SRPRB: variants seen among roughly 807,000 people sequenced by gnomAD.
The protein encoded by SRPRB is signal recognition particle receptor subunit beta.
A neutral mutation model predicts 31.9 loss-of-function variants in SRPRB; 20 were observed. That is an observed-to-expected ratio of 0.63 (90% CI 0.44 to 0.91). The LOEUF is 0.91. Among genes scored for constraint, SRPRB ranks in the 40% least tolerant of loss-of-function variants. The pLI, the probability that SRPRB is intolerant of heterozygous loss-of-function variation, is 0.00. For missense variants in SRPRB, 321 were observed against 324.9 expected (o/e 0.99, Z 0.09); for synonymous variants, 146 against 132.8 (o/e 1.10, Z -0.68).
At chr3:133,790,468 T>C (rs537671158) in intron 1 of SRPRB, 2 of 152,330 alleles carry the variant, frequency 1.3e-5, no homozygotes, top group East Asian at 3.9e-4. Context: ...TTGAAAAGGT[T>C]ACTTATGAAA....
downstream of SRPRB, chr3:133,821,596 G>A (rs1172182283): frequency 6.6e-6 from 1 of 152,176 alleles, no homozygotes; most frequent in Non-Finnish European, 1.5e-5. Flanking sequence ...GCAAGTTTGA[G>A]TTTGATTCAA....
Position 133,799,507 on chromosome 3 carries a change from A to G in SRPRB, c.-173-6169A>G, listed in dbSNP as rs377322685. Among the ~76,000 whole-genome samples the G allele has an allele frequency of 1.3e-4, 20 of 152,348 alleles. No individual in the cohort carries two copies. In the East Asian group the frequency reaches 3.9e-3, roughly 29 times the overall value. On this transcript the variant is annotated intron_variant, in intron 1 of 7. Coordinates refer to the SRPRB transcript ENST00000466490. ...GAAAGGACAGTTACATATGAGCAGT[A>G]GCCTTGGAAGGACAGAGAAAAAAAT...
At chr3:133,810,189 CAT>C (rs1423752073) in intron 3 of SRPRB, 1 of 152,030 alleles carries the variant, frequency 6.6e-6, no homozygotes, top group East Asian at 1.9e-4. Flanking sequence ...TAATAAAAAA[CAT>C]ATTTGTCTAT....
downstream of SRPRB, chr3:133,827,500 C>A (rs958465677): frequency 2.2e-4 from 44 of 197,332 alleles, no homozygotes; most frequent in African/African-American, 7.9e-4. Context: ...AGGAATGAAT[C>A]AAAAATGGAA....
chr3:133,811,076 G>A (rs370595824), intron 3 of SRPRB, 41 bp from the exon 4 acceptor site: 128 of 1,594,746 alleles, frequency 8.0e-5, no homozygotes, highest in Non-Finnish European at 1.1e-4. Context: ...TGTGAACGTG[G>A]AACTGTATTG....
chr3:133,790,254 T>C (rs1459801954), intron 1 of SRPRB: 1 of 152,232 alleles, frequency 6.6e-6, no homozygotes, highest in Admixed American at 6.5e-5. Context: ...TCTAAAATTG[T>C]GGAATTGTTC....
In SRPRB at chr3:133,787,973, T is replaced by C. The variant is rs554652640; in HGVS notation, c.-174+3829T>C. On this transcript the variant is annotated intron_variant, in intron 1 of 7. Coordinates refer to the SRPRB transcript ENST00000466490. Reference sequence around the variant, plus strand: ...CAACCCTAAGTGACACATGGGCCCATATCCACCAGGTTGGTGGTGCAGAGG... The same window carrying C: ...CAACCCTAAGTGACACATGGGCCCACATCCACCAGGTTGGTGGTGCAGAGG... 15 of 152,240 alleles carry C rather than the reference T, an allele frequency of 9.9e-5. No individual in the cohort carries two copies. The South Asian group carries it at 3.1e-3, about 32-fold the overall frequency. The allele number at this position is 152,240 out of a possible 1,614,324, so 9.4% of individuals were successfully genotyped here. A position where few individuals can be genotyped will look rare whatever the true frequency, so the allele number is the denominator to read the frequency against.
intron 2 of SRPRB, 143 bp from the exon 3 acceptor site, chr3:133,807,602 TA>T (rs930047825): frequency 3.7e-5 from 23 of 614,470 alleles, no homozygotes; most frequent in Middle Eastern, 3.1e-4. Context: ...TTTCTACAGG[TA>T]AAAAAAATCA....
Position 133,819,736 on chromosome 3 carries a change from C to T in SRPRB, c.786C>T (p.Asp262=), listed in dbSNP as rs1935435790. The T allele has an allele frequency of 1.2e-6, 2 of 1,613,980 alleles. No individual in the cohort carries two copies. Among genetic ancestry groups the T allele is most frequent in the Non-Finnish European group, 8.5e-7 (1 of 1,180,032 alleles). ...RGDVGSADIQ[D]LEKWLAKIA is the part of the protein sequence containing the mutation. ...ACGTGGGCTCTGCTGACATCCAGGA[C>T]TTGGAGAAATGGCTGGCTAAAATTG... Residue 262 remains aspartate, a synonymous_variant, in exon 7 of 7, where the codon GAC becomes GAT. Transcript: ENST00000678299.
At chr3:133,821,798 A>G (rs981189591), downstream of SRPRB, among the ~76,000 whole-genome samples, 9 of 152,154 alleles carry the variant, frequency 5.9e-5, no homozygotes, top group African/African-American at 2.2e-4. Context: ...TGTCAGTCGC[A>G]TGGCACCCCT....
intron 3 of SRPRB, among the ~76,000 whole-genome samples, chr3:133,808,481 C>T (rs1559890706): frequency 6.6e-6 from 1 of 152,144 alleles, no homozygotes; most frequent in African/African-American, 2.4e-5. Flanking sequence ...AAATTAAATT[C>T]TTACTTAATC....
chr3:133,795,456 A>G (rs1023654359), intron 1 of SRPRB: 3 of 152,166 alleles, frequency 2.0e-5, no homozygotes, highest in African/African-American at 7.2e-5. Context: ...GTAACCTACG[A>G]ATGATGTGCT....
At chr3:133,826,488 C>CGG (rs1158816679), downstream of SRPRB, 1 of 152,650 alleles carries the variant, frequency 6.6e-6, no homozygotes, top group Non-Finnish European at 1.5e-5. Context: ...GTAAATGGGG[C>CGG]GGTCTCAGAG....
chr3:133,810,757 C>T, intron 3 of SRPRB: 1 of 175,718 alleles, frequency 5.7e-6, no homozygotes, highest in Non-Finnish European at 1.2e-5. Context: ...TACAGTACTC[C>T]TACTTTGCTA....
chr3:133,809,647 A>G (rs555188063), intron 3 of SRPRB, among the ~76,000 whole-genome samples: 4 of 152,258 alleles, frequency 2.6e-5, no homozygotes, highest in African/African-American at 4.8e-5. Flanking sequence ...ACCTTCTAAT[A>G]TGTAGCCACT....
chr3:133,816,623 G>C (rs912663608), intron 5 of SRPRB, among the ~76,000 whole-genome samples: 1 of 152,204 alleles, frequency 6.6e-6, no homozygotes, highest in Non-Finnish European at 1.5e-5. Flanking sequence ...TCTATAAGGT[G>C]TGGAGAACTT....
intron 4 of SRPRB, among the ~76,000 whole-genome samples, chr3:133,812,119 A>T (rs1294098780): frequency 6.6e-6 from 1 of 152,072 alleles, no homozygotes; most frequent in Non-Finnish European, 1.5e-5. Context: ...CTGAATTTAG[A>T]ATATATCTTA....
chr3:133,794,385 T>C (rs1934915722), intron 1 of SRPRB: 1 of 152,236 alleles, frequency 6.6e-6, no homozygotes, highest in Admixed American at 6.5e-5. Context: ...AAACATTTTA[T>C]AGAGGGATTT....
upstream of SRPRB, among the ~76,000 whole-genome samples, chr3:133,805,107 C>G (rs185530738): frequency 6.6e-6 from 1 of 152,272 alleles, no homozygotes; most frequent in East Asian, 1.9e-4. Flanking sequence ...TAGGGTCGGC[C>G]CTACTTTCAG....
Sources: allele counts gnomAD v4.1 joint callset (sites outside exome capture counted in the v4.1 genomes callset), GRCh38; gene constraint gnomAD v4.1.1; transcripts MANE v1.5; gene names NCBI Gene and HGNC (gene_info 2026-07-23, HGNC 2026-07-21).